Variants in FIGN observed in about 807,000 individuals in gnomAD.
The protein encoded by FIGN is fidgetin.
In FIGN, 11 loss-of-function variants were observed where a neutral mutation model predicts 51.3. The observed-to-expected ratio is 0.21, with a 90% confidence interval of 0.13 to 0.35. The LOEUF (loss-of-function observed/expected upper bound fraction) is 0.35, where lower values mean the gene tolerates loss of function less well. Among genes scored for constraint, FIGN ranks in the 10% least tolerant of loss-of-function variants. The pLI is 1.00. For synonymous variants in FIGN, 407 were observed against 363.2 expected (o/e 1.12, Z -1.37); for missense variants, 857 against 943.6 (o/e 0.91, Z 1.20).
Position 163,676,469 on chromosome 2 carries a change from AT to A in FIGN, c.25+58433del, listed in dbSNP as rs1683969923. On this transcript the variant is annotated intron_variant, in intron 2 of 2. Coordinates refer to ENST00000333129, the MANE Select transcript of FIGN (RefSeq NM_018086.4). ...TATATATATATATATATATATATAT[AT>A]ATATATATATATAACTAGAGTCTGT... 3.7e-5 allele frequency among the ~76,000 whole-genome samples: 4 copies of A among 107,164 alleles called. 1 individual carries two copies. Among genetic ancestry groups the A allele is most frequent in the African/African-American group, 1.0e-4 (3 of 29,050 alleles). The allele number at this position is 107,164 out of a possible 152,430, so 70.3% of individuals were successfully genotyped here. A position where few individuals can be genotyped will look rare whatever the true frequency, so the allele number is the denominator to read the frequency against.
At chr2:163,675,195 T>G (rs1405696082) in intron 2 of FIGN, among the ~76,000 whole-genome samples, 1 of 152,224 alleles carries the variant, frequency 6.6e-6, no homozygotes, top group Non-Finnish European at 1.5e-5. Flanking sequence ...TAAACTCTAA[T>G]TTCCCCCTTT....
intron 2 of FIGN, among the ~76,000 whole-genome samples, chr2:163,717,807 T>C (rs774701764): frequency 2.6e-5 from 4 of 152,226 alleles, no homozygotes; most frequent in Non-Finnish European, 5.9e-5. Flanking sequence ...GCTTGGTACT[T>C]ATTCAAGACA....
At chr2:163,726,824 T>C (rs897790555) in intron 2 of FIGN, among the ~76,000 whole-genome samples, 2 of 152,128 alleles carry the variant, frequency 1.3e-5, no homozygotes, top group Non-Finnish European at 2.9e-5. Flanking sequence ...ACTGCCATTA[T>C]CTATAGCCTT....
At chr2:163,650,547 C>T (rs1265220939) in intron 2 of FIGN, among the ~76,000 whole-genome samples, 1 of 152,102 alleles carries the variant, frequency 6.6e-6, no homozygotes, top group African/African-American at 2.4e-5. Flanking sequence ...CCCCAGCCCC[C>T]AACCCCCAAC....
At chr2:163,717,168 AAAG>A (rs941622677) in intron 2 of FIGN, among the ~76,000 whole-genome samples, 1 of 152,192 alleles carries the variant, frequency 6.6e-6, no homozygotes, top group Admixed American at 6.5e-5. Context: ...CCCTGGACTC[AAAG>A]TCCAAAGACT....
At chr2:163,643,924 C>A (rs1440281824) in intron 2 of FIGN, among the ~76,000 whole-genome samples, 1 of 13,632 alleles carries the variant, frequency 7.3e-5, no homozygotes, top group African/African-American at 1.6e-4. Flanking sequence ...AAGAGCGAAA[C>A]TCTGTCTCAA....
intron 2 of FIGN, among the ~76,000 whole-genome samples, chr2:163,666,014 T>G (rs1683767078): frequency 6.6e-6 from 1 of 152,138 alleles, no homozygotes. Context: ...AAGCAAAACA[T>G]GAATCAGCAA....
At chr2:163,611,860 T>G in intron 2 of FIGN, 54 bp from the exon 3 acceptor site, 6 of 1,464,180 alleles carry the variant, frequency 4.1e-6, no homozygotes, top group Middle Eastern at 2.5e-4. Flanking sequence ...ATCAGAACTC[T>G]TAAAGCTTTT....
At chr2:163,637,009 G>T (rs371077136) in intron 2 of FIGN, among the ~76,000 whole-genome samples, 1 of 151,394 alleles carries the variant, frequency 6.6e-6, no homozygotes, top group Admixed American at 6.6e-5. Context: ...AACCTGGGAG[G>T]TAGAGGTTGC....
intron 2 of FIGN, among the ~76,000 whole-genome samples, chr2:163,629,447 G>A (rs898016195): frequency 6.6e-6 from 1 of 152,108 alleles, no homozygotes; most frequent in African/African-American, 2.4e-5. Context: ...GAGATGGCAA[G>A]CATTAGAGGA....
intron 2 of FIGN, among the ~76,000 whole-genome samples, chr2:163,690,060 A>T (rs1025378029): frequency 1.3e-5 from 2 of 152,132 alleles, no homozygotes; most frequent in African/African-American, 2.4e-5. Context: ...GTCCCCCTCA[A>T]TTGTTAAGAT....
chr2:163,610,486 G>T lies in FIGN; in HGVS notation c.1346C>A (p.Ala449Glu). 6.2e-7 allele frequency: 1 copy of T among 1,614,182 alleles called. No homozygotes were observed. The highest frequency in any genetic ancestry group is 8.5e-7 in the Non-Finnish European group (1 of 1,180,032). ...CACAGAGTGGTTGGATGAGGTAGCTGCACGGAGTCCAGGGCCTTGCATTGG... is the reference window on the plus strand; with the variant it reads ...CACAGAGTGGTTGGATGAGGTAGCTTCACGGAGTCCAGGGCCTTGCATTGG... Reference protein sequence around the residue: ...SHPMQGPGLRAATSSNHSVDE... With the variant: ...SHPMQGPGLREATSSNHSVDE... The change falls in exon 3 of 3, where the codon GCA becomes GAA. Residue 449 changes from alanine (A) to glutamate (E), a missense_variant. By Grantham distance (107) the Ala-to-Glu change is moderately radical. Around this residue, in one of 3 missense-constraint regions of FIGN, gnomAD observed 799 missense variants for 849.5 expected, o/e 0.94. Transcript: ENST00000333129.
intron 2 of FIGN, among the ~76,000 whole-genome samples, chr2:163,700,689 G>T (rs1396811302): frequency 6.6e-6 from 1 of 152,138 alleles, no homozygotes; most frequent in Admixed American, 6.6e-5. Flanking sequence ...GAACACTGTG[G>T]TATGTGAAGA....
intron 2 of FIGN, among the ~76,000 whole-genome samples, chr2:163,668,445 T>G (rs937195087): frequency 1.3e-5 from 2 of 152,188 alleles, no homozygotes; most frequent in African/African-American, 4.8e-5. Flanking sequence ...TCAAATAAGA[T>G]AAAATATTCA....
intron 2 of FIGN, among the ~76,000 whole-genome samples, chr2:163,732,557 ACTAAATATATTATAAATGTATATT>A (rs1262337438): frequency 5.9e-5 from 9 of 152,230 alleles, no homozygotes; most frequent in African/African-American, 2.2e-4. Context: ...GCCAGCCATC[ACTAAATATATTATAAATGTATATT>A]CTAACAATCA....
intron 2 of FIGN, among the ~76,000 whole-genome samples, chr2:163,621,681 G>A (rs1682975084): frequency 6.6e-6 from 1 of 152,126 alleles, no homozygotes; most frequent in Admixed American, 6.6e-5. Context: ...TGAGCACCAC[G>A]TATAATTGGG....
intron 2 of FIGN, among the ~76,000 whole-genome samples, chr2:163,672,028 C>A (rs986685360): frequency 3.3e-5 from 5 of 152,008 alleles, no homozygotes; most frequent in Non-Finnish European, 7.4e-5. Context: ...AAATTGATGT[C>A]AAAGTATTAC....
At chr2:163,634,050 T>C (rs928773694) in intron 2 of FIGN, among the ~76,000 whole-genome samples, 16 of 151,960 alleles carry the variant, frequency 1.1e-4, no homozygotes, top group Non-Finnish European at 1.5e-4. Context: ...CAGATTTTCA[T>C]GTGCTTTTCA....
chr2:163,686,583 C>T (rs979490796), intron 2 of FIGN, among the ~76,000 whole-genome samples: 3 of 151,990 alleles, frequency 2.0e-5, no homozygotes, highest in Admixed American at 2.0e-4. Flanking sequence ...ACATATAGTC[C>T]TAGTTAGGAA....
Sources: allele counts gnomAD v4.1 joint callset (sites outside exome capture counted in the v4.1 genomes callset), GRCh38; gene constraint gnomAD v4.1.1; regional missense constraint gnomAD v4.1.1; transcripts MANE v1.5; gene names NCBI Gene and HGNC (gene_info 2026-07-23, HGNC 2026-07-21).